Variants in LAMB1 observed in about 807,000 individuals in gnomAD.
The protein encoded by LAMB1 is laminin subunit beta 1, also known as laminin subunit beta-1.
A neutral mutation model predicts 222.3 loss-of-function variants in LAMB1; 121 were observed. The observed-to-expected ratio is 0.54, with a 90% CI of 0.47 to 0.63. The LOEUF (loss-of-function observed/expected upper bound fraction) is 0.63. Ranked by LOEUF, LAMB1 falls within the 30% of genes least tolerant of loss-of-function variation. LAMB1 has a pLI of 0.00. For missense variants in LAMB1, 2,172 were observed against 2,240.8 expected, an observed-to-expected ratio of 0.97 and a Z score of 0.62; for synonymous variants, 794 against 807.2, an observed-to-expected ratio of 0.98 and a Z score of 0.28.
chr7:107,937,382 A>G lies in LAMB1; in HGVS notation c.3762-105T>C, dbSNP rs986423820. The G allele has an allele frequency of 1.1e-5, 9 of 825,412 alleles. No homozygotes were observed. In the East Asian group the frequency reaches 1.7e-4, roughly 16 times the overall value. The allele number at this position is 825,412 out of a possible 1,614,324, so 51.1% of individuals were successfully genotyped here. A position where few individuals can be genotyped will look rare whatever the true frequency, so the allele number is the denominator to read the frequency against. ...TGTATCCATTACTAATTTCAAACCA[A>G]TTCAGTAATTTGTAACATTTCATCC... On this transcript the variant is annotated intron_variant, in intron 25 of 33. Transcript: ENST00000222399.
intron 24 of LAMB1, 153 bp downstream of exon 24, chr7:107,951,073 T>A (rs1487110631): frequency 1.6e-6 from 1 of 617,572 alleles, no homozygotes; most frequent in Admixed American, 3.0e-5. Context: ...GATTGTTTTT[T>A]AAACAATCAG....
chr7:107,986,839 T>C (rs2034088460), intron 5 of LAMB1, among the ~76,000 whole-genome samples: 2 of 152,344 alleles, frequency 1.3e-5, no homozygotes, highest in East Asian at 1.9e-4. Flanking sequence ...ATTTGCAATA[T>C]GCTATGTCAA....
At chr7:107,970,746 CTTT>C (rs1036027464) in intron 13 of LAMB1, among the ~76,000 whole-genome samples, 4 of 137,128 alleles carry the variant, frequency 2.9e-5, no homozygotes, top group African/African-American at 8.1e-5. Context: ...TTTTTTTTTT[CTTT>C]GAGACAGAGT....
intron 3 of LAMB1, among the ~76,000 whole-genome samples, chr7:107,999,361 T>G (rs1361908952): frequency 6.6e-6 from 1 of 152,190 alleles, no homozygotes; most frequent in Non-Finnish European, 1.5e-5. Context: ...TGTACCTACA[T>G]TTTCTGAAAT....
At chr7:107,957,967 A>G (rs1183379671) in intron 20 of LAMB1, among the ~76,000 whole-genome samples, 1 of 152,158 alleles carries the variant, frequency 6.6e-6, no homozygotes, top group Non-Finnish European at 1.5e-5. Context: ...GATATCAACT[A>G]TGCCATTCTG....
At chr7:107,931,643 A>G (rs2032714028) in intron 28 of LAMB1, 143 bp from the exon 29 acceptor site, 5 of 752,278 alleles carry the variant, frequency 6.6e-6, no homozygotes, top group South Asian at 1.6e-5. Flanking sequence ...CCCATTCAAC[A>G]AAGTATTGTA....
chr7:107,965,557 C>G (rs1040819598), intron 13 of LAMB1, among the ~76,000 whole-genome samples: 4 of 151,652 alleles, frequency 2.6e-5, no homozygotes, highest in Non-Finnish European at 5.9e-5. Context: ...CCAGCCTGGG[C>G]AACAAGAGTG....
intron 14 of LAMB1, 129 bp from the exon 15 acceptor site, chr7:107,963,192 C>A: frequency 2.5e-6 from 2 of 789,940 alleles, no homozygotes; most frequent in Non-Finnish European, 4.0e-6. Context: ...TTTTTATAGT[C>A]AAATCTCCCC....
At position 107,960,601 on chromosome 7, in the gene LAMB1, C is replaced by T. The variant is rs2033477560; in HGVS notation, c.2158G>A (p.Gly720Ser). ...TTGGTGACCACCCCATCTCCTGAAC[C>T]TCCCACGGTGAAGATGTCCAGTGAT... is the stretch of plus-strand genomic sequence containing the variant. ...CKSLDIFTVGGSGDGVVTNSA... is the reference protein window; with the variant it reads ...CKSLDIFTVGSSGDGVVTNSA... Residue 720 changes from glycine (G) to serine (S), a missense_variant, in exon 18 of 34, where the codon GGT (glycine) becomes AGT (serine). Coordinates refer to ENST00000222399, the MANE Select transcript of LAMB1 (RefSeq NM_002291.3). The T allele has an allele frequency of 1.2e-6, 2 of 1,614,128 alleles. No individual in the cohort carries two copies. The highest frequency in any genetic ancestry group is 1.3e-5 in the African/African-American group (1 of 74,946).
chr7:107,942,850 T>C (rs2033023563), intron 24 of LAMB1: 2 of 152,268 alleles, frequency 1.3e-5, no homozygotes, highest in Admixed American at 1.3e-4. Context: ...TTTATTTATA[T>C]GTATTTGCCA....
chr7:107,999,230 A>G (rs2034337179), intron 3 of LAMB1, among the ~76,000 whole-genome samples: 1 of 152,228 alleles, frequency 6.6e-6, no homozygotes, highest in South Asian at 2.1e-4. Context: ...TTCTCCTAAA[A>G]TGGGAGCCAG....
chr7:107,946,198 A>G (rs1270042170), intron 24 of LAMB1, among the ~76,000 whole-genome samples: 1 of 152,200 alleles, frequency 6.6e-6, no homozygotes, highest in African/African-American at 2.4e-5. Flanking sequence ...AATGCCAAGA[A>G]TTTTACTGAT....
At chr7:107,925,892 T>C (rs1012649656) in intron 32 of LAMB1, among the ~76,000 whole-genome samples, 6 of 100,156 alleles carry the variant, frequency 6.0e-5, no homozygotes, top group South Asian at 3.1e-4. Context: ...GTCAATATAG[T>C]TGGTTTAAAA....
intron 7 of LAMB1, among the ~76,000 whole-genome samples, chr7:107,983,998 C>T (rs997993420): frequency 6.6e-6 from 1 of 152,166 alleles, no homozygotes; most frequent in Non-Finnish European, 1.5e-5. Context: ...CTATAAGCTT[C>T]AGCTTATTTT....
intron 8 of LAMB1, among the ~76,000 whole-genome samples, chr7:107,978,617 A>T (rs1268125094): frequency 1.3e-5 from 2 of 150,822 alleles, no homozygotes; most frequent in Admixed American, 1.3e-4. Flanking sequence ...CCATTTTTTT[A>T]AAAAGGTTTT....
chr7:107,932,499 A>G, intron 27 of LAMB1, 122 bp from the exon 28 acceptor site: 1 of 867,052 alleles, frequency 1.2e-6, no homozygotes, highest in Admixed American at 2.0e-5. Flanking sequence ...GGGTGCTTGA[A>G]AACAGTGTTT....
At chr7:107,939,949 C>A (rs772537996) in intron 25 of LAMB1, 40 bp downstream of exon 25, 1 of 1,579,444 alleles carries the variant, frequency 6.3e-7, no homozygotes, top group South Asian at 1.1e-5. Context: ...AATATTTTTT[C>A]AGCTTTATGA....
chr7:107,951,238 C>T lies in LAMB1; in HGVS notation c.3379G>A (p.Val1127Met), dbSNP rs557715688. The T allele has an allele frequency of 9.3e-6, 15 of 1,614,044 alleles. No homozygotes were observed. The highest frequency in any genetic ancestry group is 5.0e-5 in the Admixed American group (3 of 60,032). ...GCCCACAACTCACCTCGGCACTCCA[C>T]GTCGGGGTCTCCCCAGAAGAGTTCC... ...CQELFWGDPD[V>M]ECRACDCDPR... Residue 1127 changes from valine to methionine, a missense_variant, in exon 24 of 34, where the codon GTG becomes ATG. Val to Met is a conservative substitution (Grantham distance 21). Coordinates refer to ENST00000222399, the MANE Select transcript of LAMB1 (RefSeq NM_002291.3).
chr7:107,976,417 C>G (rs2150439495), intron 9 of LAMB1, among the ~76,000 whole-genome samples: 1 of 152,326 alleles, frequency 6.6e-6, no homozygotes, highest in Non-Finnish European at 1.5e-5. Context: ...TAACAGCCAG[C>G]TAGCTGACCC....
Sources: gnomAD v4.1 joint callset for allele counts (sites outside exome capture counted in the v4.1 genomes callset) on GRCh38, gnomAD v4.1.1 for gene constraint, MANE v1.5 for transcripts, NCBI Gene and HGNC (gene_info 2026-07-23, HGNC 2026-07-21) for gene names.